The following PSG3 variants were observed in gnomAD, a reference collection of about 807,000 sequenced individuals.
PSG3 encodes the protein pregnancy specific beta-1-glycoprotein 3, also known as pregnancy-specific beta-1-glycoprotein 3.
In PSG3, 61 loss-of-function variants were observed where a neutral mutation model predicts 47.5. The observed-to-expected ratio is 1.28, with a 90% CI of 1.05 to 1.59. The LOEUF is 1.59. Ranked by LOEUF, PSG3 falls within the 40% of genes most tolerant of loss-of-function variation. The pLI is 0.00. For missense variants in PSG3, 756 were observed against 524.0 expected (o/e 1.44, Z -4.32); for synonymous variants, 263 against 198.4 (o/e 1.33, Z -2.74).
chr19:42,735,834 G>A (rs911467709), intron 2 of PSG3, among the ~76,000 whole-genome samples: 4 of 152,224 alleles, frequency 2.6e-5, no homozygotes, highest in African/African-American at 9.6e-5. Flanking sequence ...GGAGTCACAA[G>A]TGAAATGGGT....
At chr19:42,724,153 G>A (rs1490996848) in intron 5 of PSG3, 128 bp from the exon 6 acceptor site, 2 of 1,407,510 alleles carry the variant, frequency 1.4e-6, no homozygotes, top group East Asian at 4.8e-5. Flanking sequence ...ATTTCTGTTG[G>A]AAAATTGATA....
rs1462118224 is a variant in PSG3 at position 42,722,693 on chromosome 19, A to C, written c.*41-603T>G. ...TTTTCCATTCAGCTTCTGTTTGTTA[A>C]CTGGATTACTGAGTTCTTGGTGTAG... On this transcript the variant is annotated intron_variant, in intron 6 of 6. Coordinates refer to ENST00000327495, the MANE Select transcript of PSG3 (RefSeq NM_021016.4). Among the ~76,000 whole-genome samples, 6 of 152,250 alleles carry C rather than the reference A, an allele frequency of 3.9e-5. No individual in the cohort carries two copies. In the East Asian group the frequency reaches 1.2e-3, roughly 29 times the overall value.
chr19:42,734,087 A>G (rs1314116691), intron 2 of PSG3: 2 of 152,206 alleles, frequency 1.3e-5, no homozygotes, highest in Non-Finnish European at 2.9e-5. Flanking sequence ...AGTGTAGAAT[A>G]GTAGTTTCCA....
intron 4 of PSG3, among the ~76,000 whole-genome samples, 153 bp downstream of exon 4, chr19:42,729,625 C>G (rs188452244): frequency 1.3e-5 from 2 of 152,266 alleles, no homozygotes; most frequent in East Asian, 1.9e-4. Context: ...CTGTGCCTAC[C>G]CAGATCTTCC....
chr19:42,738,723 C>A lies in PSG3; in HGVS notation c.430+1G>T, dbSNP rs146032744. On this transcript the variant is annotated splice_donor_variant, in intron 2 of 6. Coordinates refer to ENST00000327495, the MANE Select transcript of PSG3 (RefSeq NM_021016.4). LOFTEE classifies it high-confidence loss of function. ...CCCAGTGATCACGTGGAGTCACTCA[C>A]GGTATAAGGTGAAGGTGAAATGTCC... is the stretch of plus-strand genomic sequence containing the variant. The A allele has an allele frequency of 6.2e-7, 1 of 1,613,366 alleles. No homozygotes were observed. The highest frequency in any genetic ancestry group is 8.5e-7 in the Non-Finnish European group (1 of 1,179,634).
intron 6 of PSG3, among the ~76,000 whole-genome samples, chr19:42,723,417 G>C (rs1291535447): frequency 1.3e-5 from 2 of 152,202 alleles, no homozygotes; most frequent in Non-Finnish European, 2.9e-5. Context: ...ATTATACTAG[G>C]AAGTAGCGGT....
chr19:42,739,505 C>T (rs1052626292), intron 1 of PSG3: 54 of 189,826 alleles, frequency 2.8e-4, no homozygotes, highest in Non-Finnish European at 4.7e-4. Flanking sequence ...TTCTCAACAC[C>T]TGACCTCACA....
intron 2 of PSG3, among the ~76,000 whole-genome samples, 154 bp downstream of exon 2, chr19:42,738,568 TTG>T (rs1356754154): frequency 2.0e-5 from 3 of 152,160 alleles, no homozygotes; most frequent in Non-Finnish European, 4.4e-5. Context: ...CTGTTGAAAT[TTG>T]TCTCTTCTGT....
chr19:42,734,684 A>T (rs928792869), intron 2 of PSG3, among the ~76,000 whole-genome samples: 13 of 152,184 alleles, frequency 8.5e-5, no homozygotes, highest in South Asian at 4.1e-4. Context: ...AAGATGCCAA[A>T]GGTGATTTGA....
At position 42,737,382 on chromosome 19, in the gene PSG3, G is replaced by C. The variant is rs148516374; in HGVS notation, c.430+1342C>G. The stretch of plus-strand genomic sequence containing the variant: ...TATGTAAGAGCTCCTGAGTGTGTCT[G>C]TCTCGCTGGGCCTATGGTGGTGTAG... On this transcript the variant is annotated intron_variant, in intron 2 of 6. Coordinates refer to ENST00000327495, the MANE Select transcript of PSG3 (RefSeq NM_021016.4). 1.1e-3 allele frequency among the ~76,000 whole-genome samples: 163 copies of C among 152,218 alleles called. 2 individuals carry two copies. The highest frequency in any genetic ancestry group is 3.8e-3 in the African/African-American group (158 of 41,514).
At chr19:42,735,992 C>G (rs1244374343) in intron 2 of PSG3, among the ~76,000 whole-genome samples, 22 of 152,320 alleles carry the variant, frequency 1.4e-4, no homozygotes, top group Admixed American at 1.2e-3. Flanking sequence ...CTCACTCATT[C>G]CTGGGCATAG....
chr19:42,728,638 G>A (rs1430420929), intron 5 of PSG3, among the ~76,000 whole-genome samples: 1 of 152,248 alleles, frequency 6.6e-6, no homozygotes, highest in East Asian at 1.9e-4. Context: ...AGAGGAGCCT[G>A]GAGCAGAGCA....
chr19:42,722,036 C>A lies in PSG3; in HGVS notation c.*95G>T, dbSNP rs1421803545. ...TTCATAAATCTCCTTGAACAAAAAG[C>A]AATTTTGGACTGTAGCTGATGGTAA... On this transcript the variant is annotated 3_prime_UTR_variant, in exon 7 of 7. Coordinates refer to ENST00000327495, the MANE Select transcript of PSG3 (RefSeq NM_021016.4). 2.4e-6 allele frequency: 1 copy of A among 415,956 alleles called. No homozygotes were observed. 25.8% of individuals were successfully genotyped at this position (415,956 alleles called of 1,614,324 possible).
rs1407315209 is a variant in PSG3, at chr19:42,738,784, T to C, written c.370A>G (p.Ile124Val). 2 of 1,614,032 alleles carry C rather than the reference T, an allele frequency of 1.2e-6. No homozygotes were observed. Among genetic ancestry groups the C allele is most frequent in the Non-Finnish European group, 1.7e-6 (2 of 1,179,964 alleles). The change falls in exon 2 of 7, where the codon ATC becomes GTC. Residue 124 changes from isoleucine to valine, a missense_variant. Transcript: ENST00000327495. Reference sequence around the variant, plus strand: ...CTAGTCCCATCACCTCGCTTTACGATGTGTAAGGTGTAGGATCCTGCGTCC... The same window carrying C: ...CTAGTCCCATCACCTCGCTTTACGACGTGTAAGGTGTAGGATCCTGCGTCC... ...REDAGSYTLHIVKRGDGTRGE... is the reference protein window; with the variant it reads ...REDAGSYTLHVVKRGDGTRGE...
At chr19:42,730,321 G>A (rs1969452405) in intron 3 of PSG3, among the ~76,000 whole-genome samples, 1 of 152,182 alleles carries the variant, frequency 6.6e-6, no homozygotes, top group South Asian at 2.1e-4. Context: ...ACGTCAATGG[G>A]AGTCACAGCC....
At chr19:42,725,890 C>CAAAAAAAAAAAAAAAAAAAA (rs200684147) in intron 5 of PSG3, among the ~76,000 whole-genome samples, 28 of 68,030 alleles carry the variant, frequency 4.1e-4, no homozygotes, top group African/African-American at 1.0e-3. Flanking sequence ...CAACAACAAC[C>CAAAAAAAAAAAAAAAAAAAA]AAAAAAAAAA....
intron 3 of PSG3, chr19:42,732,496 G>A: frequency 2.9e-6 from 2 of 685,702 alleles, no homozygotes; most frequent in South Asian, 2.1e-5. Context: ...TGAAGTCCCA[G>A]CCAAATCCCT....
At position 42,740,342 on chromosome 19, in the gene PSG3, A is replaced by G. The variant is rs762982792; in HGVS notation, c.43T>C (p.Trp15Arg). The G allele has an allele frequency of 2.5e-6, 4 of 1,613,762 alleles. No individual in the cohort carries two copies. Among genetic ancestry groups the G allele is most frequent in the Non-Finnish European group, 3.4e-6 (4 of 1,179,850 alleles). Residue 15 changes from tryptophan to arginine, a missense_variant, in exon 1 of 7, where the codon TGG becomes CGG. Coordinates refer to ENST00000327495, the MANE Select transcript of PSG3 (RefSeq NM_021016.4). ...TCACCTGTGAGCAGGAGCCCCTTCC[A>G]GGTGATGCGCTGTGTGCAGGGAGGG... ...SAPPCTQRITWKGLLLTALLL... is the reference protein window; with the variant it reads ...SAPPCTQRITRKGLLLTALLL...
chr19:42,724,116 T>C lies in PSG3; in HGVS notation c.1244-91A>G, dbSNP rs866087831. ...AACAAGCATGTAACATGAGGTACTC[T>C]ATAATTGTTTCTTCAAGGACTACGT... On this transcript the variant is annotated intron_variant, in intron 5 of 6. Transcript: ENST00000327495. 6.8e-6 allele frequency: 10 copies of C among 1,474,874 alleles called. No individual in the cohort carries two copies. The Middle Eastern group carries it at 1.2e-3, about 182-fold the overall frequency. 91.4% of individuals were successfully genotyped at this position (1,474,874 alleles called of 1,614,324 possible). A position where few individuals can be genotyped will look rare whatever the true frequency, so the allele number is the denominator to read the frequency against.
Sources: allele counts gnomAD v4.1 joint callset (sites outside exome capture counted in the v4.1 genomes callset), GRCh38; gene constraint gnomAD v4.1.1; transcripts MANE v1.5; gene names NCBI Gene and HGNC (gene_info 2026-07-23, HGNC 2026-07-21).